Variants in SAMMSON observed in about 807,000 individuals in gnomAD.
The protein encoded by SAMMSON is survival associated mitochondrial melanoma specific oncogenic non-coding RNA.
exon 7 of SAMMSON, chr3:70,291,228 C>G (rs1016884668): frequency 4.6e-5 from 7 of 152,144 alleles, no homozygotes; most frequent in African/African-American, 1.2e-4. Flanking sequence ...CTCCACCTAC[C>G]AGCTATTGAC....
chr3:70,330,260 A>G (rs919158952), intron 7 of SAMMSON, among the ~76,000 whole-genome samples: 3 of 151,942 alleles, frequency 2.0e-5, no homozygotes, highest in Non-Finnish European at 2.9e-5. Flanking sequence ...TATTTTTAAA[A>G]TCTTAATCAT....
At chr3:70,299,464 C>G (rs1394063387) in intron 7 of SAMMSON, among the ~76,000 whole-genome samples, 1 of 152,008 alleles carries the variant, frequency 6.6e-6, no homozygotes, top group Non-Finnish European at 1.5e-5. Context: ...CACACAAAAG[C>G]ACATACCCCT....
At chr3:70,391,121 C>T (rs547895761), downstream of SAMMSON, among the ~76,000 whole-genome samples, 43 of 152,220 alleles carry the variant, frequency 2.8e-4, no homozygotes, top group African/African-American at 8.7e-4. Context: ...CCTTCACCTT[C>T]GCAGCTGAGA....
chr3:70,413,881 T>C (rs756984973), intron 2 of SAMMSON, among the ~76,000 whole-genome samples: 3 of 152,120 alleles, frequency 2.0e-5, no homozygotes, highest in Admixed American at 6.5e-5. Context: ...CTTTTGTTAA[T>C]TGCACCTTTT....
chr3:70,144,206 T>G (rs532601435), intron 4 of SAMMSON, among the ~76,000 whole-genome samples: 6 of 152,264 alleles, frequency 3.9e-5, no homozygotes, highest in South Asian at 4.1e-4. Context: ...GCATTATTTA[T>G]TAATAAGGCC....
At chr3:70,055,734 G>A (rs2067164607) in intron 3 of SAMMSON, among the ~76,000 whole-genome samples, 1 of 152,068 alleles carries the variant, frequency 6.6e-6, no homozygotes, top group Non-Finnish European at 1.5e-5. Context: ...TTGGAAAAAG[G>A]AGAGATTAAT....
intron 4 of SAMMSON, among the ~76,000 whole-genome samples, chr3:70,242,612 A>C (rs1701674287): frequency 6.6e-6 from 1 of 152,158 alleles, no homozygotes; most frequent in Admixed American, 6.5e-5. Flanking sequence ...ATATCTGTTA[A>C]ATGGTTTCCA....
chr3:70,171,618 G>T (rs928135914), intron 4 of SAMMSON, among the ~76,000 whole-genome samples: 7 of 151,658 alleles, frequency 4.6e-5, no homozygotes, highest in African/African-American at 1.7e-4. Flanking sequence ...CAGTCTTTGG[G>T]GGGGGGAGCT....
At chr3:70,345,344 A>G (rs1379829846) in intron 7 of SAMMSON, among the ~76,000 whole-genome samples, 1 of 152,158 alleles carries the variant, frequency 6.6e-6, no homozygotes, top group Non-Finnish European at 1.5e-5. Flanking sequence ...TTTGCCCTTA[A>G]TCTTACAGAT....
In SAMMSON at chr3:70,326,661, C is replaced by T. The variant is rs561339707; in HGVS notation, n.740-27514C>T. ...TTTTATCCTTCCATGTAGGCTTCCT[C>T]CCTTTTTCCCCAAATTTTGAATATA... On this transcript the variant is annotated intron_variant and non_coding_transcript_variant, in intron 7 of 9. Coordinates refer to ENST00000642114, the Ensembl canonical transcript of SAMMSON. 1.3e-4 allele frequency among the ~76,000 whole-genome samples: 20 copies of T among 152,230 alleles called. No homozygotes were observed. In the East Asian group the frequency reaches 3.9e-3, roughly 30 times the overall value.
At chr3:70,298,564 G>C (rs1702314094) in intron 7 of SAMMSON, among the ~76,000 whole-genome samples, 1 of 152,044 alleles carries the variant, frequency 6.6e-6, no homozygotes, top group Non-Finnish European at 1.5e-5. Flanking sequence ...GTTGGCTTCT[G>C]AATCTTCATC....
intron 3 of SAMMSON, among the ~76,000 whole-genome samples, chr3:70,071,292 C>A (rs888921163): frequency 4.6e-5 from 7 of 151,926 alleles, no homozygotes. Flanking sequence ...CGTAGATGCA[C>A]ACATTAGAGA....
rs2067546171 is a variant in SAMMSON at position 70,145,673 on chromosome 3, CAA to C, written n.507+74111_507+74112del. Among the ~76,000 whole-genome samples, 3 of 151,880 alleles carry C rather than the reference CAA, an allele frequency of 2.0e-5. No individual in the cohort carries two copies. In the South Asian group the frequency reaches 6.2e-4, roughly 32 times the overall value. On this transcript the variant is annotated intron_variant and non_coding_transcript_variant, in intron 4 of 9. Transcript: ENST00000642114. ...AAACAAAAATAAAAACAAAACATAA[CAA>C]AATTTGTGGGTTGTAGCTAAAACAG...
chr3:70,351,230 G>C (rs559287991), intron 7 of SAMMSON, among the ~76,000 whole-genome samples: 1 of 152,028 alleles, frequency 6.6e-6, no homozygotes, highest in Non-Finnish European at 1.5e-5. Context: ...ACAAAAGGAA[G>C]GATTCTAAGA....
chr3:70,334,981 T>C (rs1170009465), intron 7 of SAMMSON, among the ~76,000 whole-genome samples: 1 of 151,946 alleles, frequency 6.6e-6, no homozygotes, highest in African/African-American at 2.4e-5. Flanking sequence ...GCCAATGTAA[T>C]GTTATGGGAA....
intron 4 of SAMMSON, among the ~76,000 whole-genome samples, chr3:70,159,880 C>G (rs998667432): frequency 1.3e-5 from 2 of 151,964 alleles, no homozygotes; most frequent in African/African-American, 4.8e-5. Flanking sequence ...TATAGCCATT[C>G]TAGTGAGTGT....
intron 4 of SAMMSON, among the ~76,000 whole-genome samples, chr3:70,166,961 A>G (rs1345959929): frequency 6.6e-6 from 1 of 152,028 alleles, no homozygotes; most frequent in Non-Finnish European, 1.5e-5. Flanking sequence ...GCTGTCCAAT[A>G]GAAATATAAG....
chr3:70,181,136 C>A (rs1701050478), intron 4 of SAMMSON, among the ~76,000 whole-genome samples: 1 of 152,158 alleles, frequency 6.6e-6, no homozygotes, highest in African/African-American at 2.4e-5. Context: ...TCTAAAGAGA[C>A]TTCTTCAGGA....
intron 7 of SAMMSON, among the ~76,000 whole-genome samples, chr3:70,299,673 C>G (rs1050282914): frequency 3.3e-5 from 5 of 152,046 alleles, no homozygotes; most frequent in African/African-American, 1.2e-4. Flanking sequence ...TTTGTGGATG[C>G]AACAAGCTTC....
Sources: gnomAD v4.1 joint callset for allele counts (sites outside exome capture counted in the v4.1 genomes callset) on GRCh38, gnomAD v4.1.1 for gene constraint, MANE v1.5 for transcripts, NCBI Gene and HGNC (gene_info 2026-07-23, HGNC 2026-07-21) for gene names.